KCNMA1: variants seen among roughly 807,000 people sequenced by gnomAD.
The protein encoded by KCNMA1 is potassium calcium-activated channel subfamily M alpha 1, also known as Calcium-activated potassium channel subunit alpha-1.
A neutral mutation model predicts 140.0 loss-of-function variants in KCNMA1; 29 were observed. The observed-to-expected ratio is 0.21, with a 90% CI of 0.15 to 0.28. The LOEUF is 0.28. Ranked by LOEUF, KCNMA1 falls within the 10% of genes least tolerant of loss-of-function variation. KCNMA1 has a pLI of 1.00. For synonymous variants in KCNMA1, 612 were observed against 611.9 expected, an observed-to-expected ratio of 1.00 and a Z score of 0.00; for missense variants, 880 against 1,602.2, an observed-to-expected ratio of 0.55 and a Z score of 7.70.
chr10:77,531,322 G>A lies in KCNMA1; in HGVS notation c.378+105943C>T, dbSNP rs377484895. On this transcript the variant is annotated intron_variant, in intron 1 of 27. Transcript: ENST00000286628. ...AGAACTTGACAGCAAGATTTTCCAC[G>A]ATAATCTGAAATGAGAGTAATTCAT... Among the ~76,000 whole-genome samples, 8 of 152,316 alleles carry A rather than the reference G, an allele frequency of 5.3e-5. No individual in the cohort carries two copies. The East Asian group carries it at 1.3e-3, about 26-fold the overall frequency.
intron 17 of KCNMA1, among the ~76,000 whole-genome samples, chr10:77,015,303 C>T (rs1213218513): frequency 6.6e-6 from 1 of 152,084 alleles, no homozygotes; most frequent in Non-Finnish European, 1.5e-5. Context: ...TATGAAATGG[C>T]ACACGACAGC....
intron 14 of KCNMA1, among the ~76,000 whole-genome samples, chr10:77,053,661 A>G (rs533196039): frequency 2.0e-4 from 31 of 152,258 alleles, no homozygotes; most frequent in African/African-American, 7.2e-4. Context: ...CCTTTATGCC[A>G]CCTTAGAGGG....
chr10:77,426,310 G>A (rs1358409584), intron 1 of KCNMA1, among the ~76,000 whole-genome samples: 1 of 151,922 alleles, frequency 6.6e-6, no homozygotes, highest in South Asian at 2.1e-4. Context: ...ACTTTTTTTT[G>A]TATATAACAG....
At chr10:77,633,183 C>T (rs375703323) in intron 1 of KCNMA1, among the ~76,000 whole-genome samples, 29 of 152,248 alleles carry the variant, frequency 1.9e-4, no homozygotes, top group African/African-American at 6.5e-4. Flanking sequence ...GGTGTGGCAG[C>T]GTGCGCCTGT....
chr10:77,295,295 C>G (rs1403842391), intron 2 of KCNMA1, among the ~76,000 whole-genome samples: 1 of 151,420 alleles, frequency 6.6e-6, no homozygotes, highest in South Asian at 2.1e-4. Flanking sequence ...TGCAGTGAGC[C>G]GAGATCATGC....
At chr10:77,579,643 T>C (rs1353148643) in intron 1 of KCNMA1, among the ~76,000 whole-genome samples, 3 of 152,116 alleles carry the variant, frequency 2.0e-5, no homozygotes, top group Non-Finnish European at 1.5e-5. Context: ...TGGGGAAGTT[T>C]TGGGAGGTTT....
chr10:77,143,834 A>T (rs989130883), intron 5 of KCNMA1, among the ~76,000 whole-genome samples: 8 of 152,202 alleles, frequency 5.3e-5, no homozygotes, highest in African/African-American at 1.9e-4. Context: ...CATTTATATG[A>T]CAAAGAACTT....
At position 77,636,122 on chromosome 10, in the gene KCNMA1, C is replaced by T. The variant is rs1004670433; in HGVS notation, c.378+1143G>A. The T allele has an allele frequency of 1.1e-5, 11 of 1,027,862 alleles. No homozygotes were observed. In the Admixed American group the frequency reaches 1.9e-4, roughly 18 times the overall value. 63.7% of individuals were successfully genotyped at this position (1,027,862 alleles called of 1,614,324 possible). On this transcript the variant is annotated intron_variant, in intron 1 of 27. Coordinates refer to ENST00000286628, the MANE Select transcript of KCNMA1 (RefSeq NM_001161352.2). ...CCCTGCACTATTCCCCTGGATTTCCCTTCCCTCCAAAACGGTTCGCGCGTG... is the reference window on the plus strand; with the variant it reads ...CCCTGCACTATTCCCCTGGATTTCCTTTCCCTCCAAAACGGTTCGCGCGTG...
At chr10:77,181,382 G>T (rs2098801255) in intron 5 of KCNMA1, among the ~76,000 whole-genome samples, 1 of 152,146 alleles carries the variant, frequency 6.6e-6, no homozygotes, top group Non-Finnish European at 1.5e-5. Context: ...TTTAAAAGGA[G>T]TCCCTGTTAA....
chr10:76,963,723 C>G (rs953233570), intron 20 of KCNMA1, among the ~76,000 whole-genome samples: 5 of 152,210 alleles, frequency 3.3e-5, no homozygotes, highest in African/African-American at 1.2e-4. Context: ...CTTCTCTTCC[C>G]ATGAGCTAAT....
At chr10:77,089,737 C>T (rs1173966934) in intron 10 of KCNMA1, among the ~76,000 whole-genome samples, 1 of 152,218 alleles carries the variant, frequency 6.6e-6, no homozygotes, top group Non-Finnish European at 1.5e-5. Context: ...TAGGTAGGAA[C>T]TACTATCATC....
intron 1 of KCNMA1, among the ~76,000 whole-genome samples, chr10:77,502,073 G>A (rs2044122407): frequency 6.6e-6 from 1 of 152,102 alleles, no homozygotes; most frequent in Admixed American, 6.5e-5. Context: ...AGGCCCTAAG[G>A]CAGCCCCAAG....
chr10:77,383,948 C>T (rs1194702164), intron 2 of KCNMA1, among the ~76,000 whole-genome samples: 1 of 152,236 alleles, frequency 6.6e-6, no homozygotes, highest in Non-Finnish European at 1.5e-5. Flanking sequence ...TGTGCGTGCT[C>T]AGCCAGCTCA....
chr10:77,483,027 CACACACACACACA>C lies in KCNMA1; in HGVS notation c.379-79017_379-79005del, dbSNP rs1567086188. Among the ~76,000 whole-genome samples, 100 of 149,842 alleles carry C rather than the reference CACACACACACACA, an allele frequency of 6.7e-4. 1 individual carries two copies. In the East Asian group the frequency reaches 0.01, roughly 16 times the overall value. On this transcript the variant is annotated intron_variant, in intron 1 of 27. Coordinates refer to ENST00000286628, the MANE Select transcript of KCNMA1 (RefSeq NM_001161352.2). ...ACACACACACACACACACACACACA[CACACACACACACA>C]CCCCTTGTTCTTCTGTGCCTACCAT...
At chr10:77,019,463 G>A (rs1016483346) in intron 16 of KCNMA1, 7 of 260,172 alleles carry the variant, frequency 2.7e-5, no homozygotes, top group African/African-American at 8.9e-5. Flanking sequence ...TGGTCAACAC[G>A]GAAGCATTAT....
chr10:77,221,514 T>C (rs1451197793), intron 3 of KCNMA1, among the ~76,000 whole-genome samples: 2 of 152,250 alleles, frequency 1.3e-5, no homozygotes, highest in Non-Finnish European at 1.5e-5. Flanking sequence ...ATTGTACCTT[T>C]TAAAATTAAC....
intron 2 of KCNMA1, among the ~76,000 whole-genome samples, chr10:77,319,958 T>C (rs543738258): frequency 5.4e-4 from 83 of 152,336 alleles, no homozygotes; most frequent in African/African-American, 1.9e-3. Context: ...ATGGCCTCAC[T>C]TGACTGATAC....
chr10:77,353,685 A>T (rs2093156447), intron 2 of KCNMA1, among the ~76,000 whole-genome samples: 4 of 152,194 alleles, frequency 2.6e-5, no homozygotes, highest in Admixed American at 2.6e-4. Flanking sequence ...CATTACTTGT[A>T]TCAATATTTT....
rs200016246 is a variant in KCNMA1 at position 77,084,617 on chromosome 10, C to T, written c.1523+20G>A. 71 of 1,605,512 alleles carry T rather than the reference C, an allele frequency of 4.4e-5. No homozygotes were observed. Among genetic ancestry groups the T allele is most frequent in the Non-Finnish European group, 4.9e-5 (58 of 1,172,246 alleles). On this transcript the variant is annotated intron_variant, in intron 12 of 27. Transcript: ENST00000286628. ...ACAGACTGCCAAGCCCAGGGCCTTC[C>T]GCAGCGCCCCAAGAGTTACCTCATG...
Sources: gnomAD v4.1 joint callset for allele counts (sites outside exome capture counted in the v4.1 genomes callset) on GRCh38, gnomAD v4.1.1 for gene constraint, MANE v1.5 for transcripts, NCBI Gene and HGNC (gene_info 2026-07-23, HGNC 2026-07-21) for gene names.